The following HIF1A variants were observed in gnomAD, a reference collection of about 807,000 sequenced individuals.
HIF1A encodes the protein hypoxia inducible factor 1 subunit alpha.
A neutral mutation model predicts 92.7 loss-of-function variants in HIF1A; 24 were observed. The ratio of observed to expected loss-of-function variants is 0.26; its 90% CI spans 0.19 to 0.36. HIF1A has a LOEUF of 0.36. Ranked by LOEUF, HIF1A falls within the 10% of genes least tolerant of loss-of-function variation. The pLI, the probability that HIF1A is intolerant of heterozygous loss-of-function variation, is 1.00. For synonymous variants in HIF1A, 319 were observed against 338.7 expected (o/e 0.94, Z 0.64); for missense variants, 799 against 998.5 (o/e 0.80, Z 2.69).
chr14:61,746,965 G>C lies in HIF1A; in HGVS notation c.2361G>C (p.Met787Ile), dbSNP rs764342882. 83 of 1,612,486 alleles carry C rather than the reference G, an allele frequency of 5.1e-5. No homozygotes were observed. The highest frequency in any genetic ancestry group is 1.5e-4 in the Admixed American group (9 of 59,620). The change falls in exon 15 of 15, where the codon ATG becomes ATC. Residue 787 changes from methionine to isoleucine, a missense_variant. Physicochemically the swap from Met to Ile is conservative, Grantham distance 10. Around this residue, in one of 2 missense-constraint regions of HIF1A, gnomAD observed 283 missense variants for 277.5 expected, o/e 1.02. Coordinates refer to ENST00000337138, the MANE Select transcript of HIF1A (RefSeq NM_001530.4). ...DLACRLLGQS[M>I]DESGLPQLTS... is the part of the protein sequence containing the mutation. ...CATGTAGACTGCTGGGGCAATCAAT[G>C]GATGAAAGTGGATTACCACAGCTGA...
At chr14:61,707,183 C>T (rs1051719937) in intron 1 of HIF1A, among the ~76,000 whole-genome samples, 2 of 152,166 alleles carry the variant, frequency 1.3e-5, no homozygotes, top group African/African-American at 4.8e-5. Context: ...GAGTGGTCCC[C>T]AGATTATCAT....
At chr14:61,737,246 T>C in intron 9 of HIF1A, 137 bp downstream of exon 9, 1 of 640,302 alleles carries the variant, frequency 1.6e-6, no homozygotes, top group South Asian at 2.2e-5. Context: ...TTTTCTTAAA[T>C]GTATTTGCTT....
At chr14:61,726,148 G>A (rs1566569929) in intron 4 of HIF1A, among the ~76,000 whole-genome samples, 1 of 151,932 alleles carries the variant, frequency 6.6e-6, no homozygotes, top group African/African-American at 2.4e-5. Context: ...TAAGTCATTT[G>A]ATCTGTTGTT....
At position 61,741,021 on chromosome 14, in the gene HIF1A, A is replaced by C. The variant is rs778276038; in HGVS notation, c.1926A>C (p.Pro642=). The C allele has an allele frequency of 1.2e-6, 2 of 1,614,188 alleles. No individual in the cohort carries two copies. Among genetic ancestry groups the C allele is most frequent in the East Asian group, 4.5e-5 (2 of 44,882 alleles). ...ACATTAAAATATTGATTGCATCTCC[A>C]TCTCCTACCCACATACATAAAGAAA... ...MEDIKILIAS[P]SPTHIHKETT... Residue 642 remains proline (P), a synonymous_variant, in exon 12 of 15, where the codon CCA becomes CCC. Transcript: ENST00000337138.
intron 4 of HIF1A, among the ~76,000 whole-genome samples, chr14:61,722,985 A>G (rs1322502568): frequency 6.6e-6 from 1 of 152,222 alleles, no homozygotes; most frequent in East Asian, 1.9e-4. Context: ...CAAAAACAAG[A>G]AAGTCTTTCC....
intron 1 of HIF1A, among the ~76,000 whole-genome samples, chr14:61,701,598 A>G (rs1222208571): frequency 6.6e-6 from 1 of 152,152 alleles, no homozygotes; most frequent in Non-Finnish European, 1.5e-5. Context: ...GTAAATTCAG[A>G]TGCTAAGCAA....
rs145746924 is a variant in HIF1A at position 61,732,722 on chromosome 14, A to G, written c.880+198A>G. On this transcript the variant is annotated intron_variant, in intron 7 of 14. Coordinates refer to ENST00000337138, the MANE Select transcript of HIF1A (RefSeq NM_001530.4). Reference sequence around the variant, plus strand: ...TCAGTAAAAATAGAATCATTTAATCATAGAAAAAACTTCCTGGCATTTTAA... The same window carrying G: ...TCAGTAAAAATAGAATCATTTAATCGTAGAAAAAACTTCCTGGCATTTTAA... 2.7e-3 allele frequency among the ~76,000 whole-genome samples: 413 copies of G among 152,366 alleles called. 4 individuals carry two copies. The highest frequency in any genetic ancestry group is 9.2e-3 in the African/African-American group (382 of 41,594).
intron 1 of HIF1A, among the ~76,000 whole-genome samples, chr14:61,699,779 C>G (rs2044158650): frequency 6.6e-6 from 1 of 152,200 alleles, no homozygotes; most frequent in South Asian, 2.1e-4. Context: ...GTGTTTTCTG[C>G]TTAACTCTGG....
intron 1 of HIF1A, chr14:61,715,513 C>T (rs1305335345): frequency 1.3e-5 from 2 of 152,134 alleles, no homozygotes; most frequent in African/African-American, 4.8e-5. Context: ...TAGTGTTAAT[C>T]GCGTGGACAC....
At chr14:61,717,494 T>G (rs1381531668) in intron 1 of HIF1A, among the ~76,000 whole-genome samples, 1 of 152,212 alleles carries the variant, frequency 6.6e-6, no homozygotes, top group Non-Finnish European at 1.5e-5. Context: ...GTTTGTCAAC[T>G]CTATATTAGT....
chr14:61,746,944 T>G lies in HIF1A; in HGVS notation c.2340T>G (p.Cys780Trp). Residue 780 changes from cysteine to tryptophan, a missense_variant, in exon 15 of 15, where the codon TGT becomes TGG. Around this residue, in one of 2 missense-constraint regions of HIF1A, gnomAD observed 283 missense variants for 277.5 expected, o/e 1.02. Transcript: ENST00000337138. ...TIILIPSDLA[C>W]RLLGQSMDES... The stretch of plus-strand genomic sequence containing the variant: ...TCTTTTGTTTTTCAGATTTAGCATG[T>G]AGACTGCTGGGGCAATCAATGGATG... 1.2e-6 allele frequency: 2 copies of G among 1,603,732 alleles called. No individual in the cohort carries two copies. Among genetic ancestry groups the G allele is most frequent in the Non-Finnish European group, 1.7e-6 (2 of 1,177,116 alleles).
chr14:61,744,451 T>C (rs567506079), intron 12 of HIF1A, among the ~76,000 whole-genome samples: 1 of 149,182 alleles, frequency 6.7e-6, no homozygotes, highest in East Asian at 2.0e-4. Context: ...AGGGCTTGGT[T>C]GCAGTAAGCA....
intron 8 of HIF1A, among the ~76,000 whole-genome samples, chr14:61,734,590 A>T (rs777354184): frequency 1.4e-4 from 22 of 152,182 alleles, no homozygotes; most frequent in South Asian, 4.1e-4. Context: ...ATCGGCATAT[A>T]CTATCTCAAG....
chr14:61,728,188 A>C (rs1566571001), intron 6 of HIF1A, among the ~76,000 whole-genome samples: 1 of 152,228 alleles, frequency 6.6e-6, no homozygotes, highest in East Asian at 1.9e-4. Flanking sequence ...TCCAGAAGTT[A>C]AGATGAGTCT....
At chr14:61,733,357 T>C (rs1455632163) in intron 7 of HIF1A, among the ~76,000 whole-genome samples, 2 of 152,332 alleles carry the variant, frequency 1.3e-5, no homozygotes, top group East Asian at 3.9e-4. Flanking sequence ...CCTCTTTTAG[T>C]TTCTTTAAAA....
chr14:61,695,984 C>A, intron 1 of HIF1A, 145 bp downstream of exon 1: 2 of 720,344 alleles, frequency 2.8e-6, no homozygotes, highest in Non-Finnish European at 4.5e-6. Context: ...CCCCTCTCTT[C>A]CCCCAACCTC....
intron 7 of HIF1A, 30 bp from the exon 8 acceptor site, chr14:61,734,108 C>T: frequency 6.9e-7 from 1 of 1,443,344 alleles, no homozygotes; most frequent in Non-Finnish European, 9.3e-7. Context: ...AATATTTTCT[C>T]TGCATGATTC....
chr14:61,736,697 G>T (rs1231423379), intron 8 of HIF1A, among the ~76,000 whole-genome samples, 192 bp from the exon 9 acceptor site: 2 of 152,108 alleles, frequency 1.3e-5, no homozygotes, highest in Non-Finnish European at 2.9e-5. Context: ...ATTTTATTGG[G>T]TCTTTATTTT....
At chr14:61,709,099 G>C (rs1400590803) in intron 1 of HIF1A, among the ~76,000 whole-genome samples, 1 of 152,052 alleles carries the variant, frequency 6.6e-6, no homozygotes, top group African/African-American at 2.4e-5. Context: ...GTTTCTCCAT[G>C]TTGGTCAGGC....
Sources: gnomAD v4.1 joint callset for allele counts (sites outside exome capture counted in the v4.1 genomes callset) on GRCh38, gnomAD v4.1.1 for gene constraint, gnomAD v4.1.1 regional missense constraint, MANE v1.5 for transcripts, NCBI Gene and HGNC (gene_info 2026-07-23, HGNC 2026-07-21) for gene names.